OPHN1: variants seen among roughly 807,000 people sequenced by gnomAD.
The protein encoded by OPHN1 is oligophrenin-1.
Under a neutral mutation model 60.7 loss-of-function variants are expected in OPHN1, and 11 were observed. The ratio of observed to expected loss-of-function variants is 0.18; its 90% CI spans 0.11 to 0.30. The LOEUF (loss-of-function observed/expected upper bound fraction) is 0.30, where lower values mean the gene tolerates loss of function less well. Ranked by LOEUF, OPHN1 falls within the 10% of genes least tolerant of loss-of-function variation. OPHN1 has a pLI of 1.00. For synonymous variants in OPHN1, 226 were observed against 222.6 expected, an observed-to-expected ratio of 1.02 and a Z score of -0.14; for missense variants, 449 against 611.0, an observed-to-expected ratio of 0.73 and a Z score of 2.80.
intron 2 of OPHN1, among the ~76,000 whole-genome samples, chrX:68,354,802 AC>A (rs1303017152): frequency 1.8e-5 from 2 of 111,251 alleles, no homozygotes; most frequent in Non-Finnish European, 3.8e-5. Flanking sequence ...GATAGAAAGA[AC>A]ACTGAGTTTG....
intron 2 of OPHN1, among the ~76,000 whole-genome samples, chrX:68,381,973 T>C (rs752504414): frequency 1.5e-4 from 17 of 111,912 alleles, no homozygotes; most frequent in African/African-American, 4.9e-4. Flanking sequence ...CAAATTATAG[T>C]TCATGTAAAT....
chrX:68,102,697 A>G (rs1487272862), intron 18 of OPHN1, among the ~76,000 whole-genome samples: 1 of 112,074 alleles, frequency 8.9e-6, no homozygotes, highest in African/African-American at 3.2e-5. Flanking sequence ...AGGGGATATC[A>G]CCACTGATAC....
chrX:68,263,300 T>C (rs1317807010), intron 5 of OPHN1, among the ~76,000 whole-genome samples: 1 of 111,893 alleles, frequency 8.9e-6, no homozygotes, highest in Admixed American at 9.5e-5. Context: ...CTGGGAGACC[T>C]AGTAATATGA....
intron 15 of OPHN1, among the ~76,000 whole-genome samples, chrX:68,142,350 T>C (rs755705160): frequency 2.7e-5 from 3 of 112,192 alleles, no homozygotes; most frequent in Admixed American, 1.9e-4. Flanking sequence ...TATTACTGTA[T>C]AGTGAGATAG....
rs181481913 is a variant in OPHN1 at position 68,225,622 on chromosome X, G to T, written c.486+8865C>A. Among the ~76,000 whole-genome samples the T allele has an allele frequency of 1.8e-4, 20 of 112,175 alleles. No individual in the cohort carries two copies. The East Asian group carries it at 5.1e-3, about 29-fold the overall frequency. On this transcript the variant is annotated intron_variant, in intron 6 of 24. Coordinates refer to ENST00000355520, the MANE Select transcript of OPHN1 (RefSeq NM_002547.3). ...ACCCAGGCAAACAGGATCTGCAGTG[G>T]ACCTCTAGCAAACTCCAACAGACCT...
chrX:68,387,012 A>G (rs1024226882), intron 2 of OPHN1, among the ~76,000 whole-genome samples: 1 of 94,493 alleles, frequency 1.1e-5, no homozygotes, highest in Admixed American at 1.1e-4. Context: ...CAGAGAAATG[A>G]TTTTCTTCCT....
intron 2 of OPHN1, among the ~76,000 whole-genome samples, chrX:68,317,569 A>G (rs1192749279): frequency 2.2e-4 from 20 of 91,225 alleles, no homozygotes; most frequent in African/African-American, 9.8e-4. Context: ...GAAAGAAAGA[A>G]AGAAAGAGAA....
intron 2 of OPHN1, among the ~76,000 whole-genome samples, chrX:68,416,267 T>C (rs2078798714): frequency 9.2e-6 from 1 of 108,301 alleles, no homozygotes; most frequent in Non-Finnish European, 1.9e-5. Flanking sequence ...GGTCTCGAAC[T>C]ACTGAACTCA....
intron 2 of OPHN1, among the ~76,000 whole-genome samples, chrX:68,393,244 A>G (rs1417406199): frequency 8.9e-6 from 1 of 112,626 alleles, no homozygotes; most frequent in African/African-American, 3.2e-5. Flanking sequence ...CAGTCTGGGC[A>G]ACACTGCCTC....
chrX:68,308,315 C>T (rs979990163), intron 2 of OPHN1, among the ~76,000 whole-genome samples: 7 of 111,695 alleles, frequency 6.3e-5, no homozygotes, highest in Non-Finnish European at 9.4e-5. Flanking sequence ...TGGCTGGGTG[C>T]GGCAGTGGCT....
At chrX:68,304,647 T>C (rs963824919) in intron 2 of OPHN1, among the ~76,000 whole-genome samples, 3 of 111,758 alleles carry the variant, frequency 2.7e-5, no homozygotes, top group Admixed American at 9.6e-5. Context: ...GAATACTGTT[T>C]ATTTAATTTT....
intron 5 of OPHN1, among the ~76,000 whole-genome samples, chrX:68,263,729 T>C (rs1204864918): frequency 8.9e-6 from 1 of 111,746 alleles, no homozygotes. Context: ...ACCTATCAAA[T>C]GTAATTTCTT....
chrX:68,094,622 C>T (rs1003944428), intron 19 of OPHN1, among the ~76,000 whole-genome samples: 2 of 111,069 alleles, frequency 1.8e-5, no homozygotes, highest in Non-Finnish European at 3.8e-5. Flanking sequence ...CAGAATAAGC[C>T]TGTTAAGCCT....
At chrX:68,245,795 TATTA>T (rs1404776254) in intron 5 of OPHN1, among the ~76,000 whole-genome samples, 1 of 112,123 alleles carries the variant, frequency 8.9e-6, no homozygotes, top group Non-Finnish European at 1.9e-5. Context: ...AATCTTTATT[TATTA>T]TTTATTTATT....
chrX:68,070,845 G>T, intron 20 of OPHN1: 2 of 1,177,468 alleles, frequency 1.7e-6, no homozygotes, highest in African/African-American at 1.7e-5. Flanking sequence ...AGCCCATTCA[G>T]CCAGCAGGTA....
intron 3 of OPHN1, among the ~76,000 whole-genome samples, chrX:68,296,142 T>C (rs1261460718): frequency 1.8e-5 from 2 of 111,209 alleles, no homozygotes; most frequent in Non-Finnish European, 1.9e-5. Context: ...TGGCTCTTCC[T>C]CTCACTACCA....
At chrX:68,430,751 G>A (rs931186932) in intron 2 of OPHN1, among the ~76,000 whole-genome samples, 2 of 110,357 alleles carry the variant, frequency 1.8e-5, no homozygotes, top group African/African-American at 6.6e-5. Context: ...TTGAAACCAG[G>A]AGATCCAGGC....
At chrX:68,130,515 A>C (rs182068654) in intron 15 of OPHN1, among the ~76,000 whole-genome samples, 1 of 112,008 alleles carries the variant, frequency 8.9e-6, no homozygotes, top group East Asian at 2.8e-4. Flanking sequence ...AATTATTGGA[A>C]AAATTTGGTA....
intron 18 of OPHN1, among the ~76,000 whole-genome samples, chrX:68,101,814 C>T (rs1235206136): frequency 2.7e-5 from 3 of 112,230 alleles, no homozygotes; most frequent in African/African-American, 9.7e-5. Flanking sequence ...GTGAATCAAC[C>T]AATCTTATGC....
Sources: gnomAD v4.1 joint callset for allele counts (sites outside exome capture counted in the v4.1 genomes callset) on GRCh38, gnomAD v4.1.1 for gene constraint, MANE v1.5 for transcripts, NCBI Gene and HGNC (gene_info 2026-07-23, HGNC 2026-07-21) for gene names.